Variants in KCNK10 observed in about 807,000 individuals in gnomAD.
The protein encoded by KCNK10 is potassium channel subfamily K member 10.
Under a neutral mutation model 47.7 loss-of-function variants are expected in KCNK10, and 25 were observed. The ratio of observed to expected loss-of-function variants is 0.52; its 90% CI spans 0.38 to 0.73. The LOEUF (loss-of-function observed/expected upper bound fraction) is 0.73, where lower values mean the gene tolerates loss of function less well. KCNK10 is among the 30% of genes least tolerant of loss of function. The pLI is 0.00. For synonymous variants in KCNK10, 303 were observed against 285.6 expected, an observed-to-expected ratio of 1.06 and a Z score of -0.61; for missense variants, 563 against 714.5, an observed-to-expected ratio of 0.79 and a Z score of 2.42.
intron 2 of KCNK10, among the ~76,000 whole-genome samples, chr14:88,250,853 C>A (rs1395006185): frequency 6.6e-6 from 1 of 151,948 alleles, no homozygotes; most frequent in East Asian, 1.9e-4. Context: ...GACAACCAGA[C>A]CAAAAAGAAA....
chr14:88,276,265 C>G (rs756604151), intron 1 of KCNK10, among the ~76,000 whole-genome samples: 6 of 129,192 alleles, frequency 4.6e-5, no homozygotes, highest in Middle Eastern at 3.4e-3. Context: ...TAAAAGAGAA[C>G]CCAGAGAGAT....
chr14:88,286,583 C>A (rs1887765114), intron 1 of KCNK10, among the ~76,000 whole-genome samples: 1 of 152,118 alleles, frequency 6.6e-6, no homozygotes. Flanking sequence ...ATACCTGAGA[C>A]TGGGTAATTA....
At chr14:88,289,156 A>G (rs1247069104) in intron 1 of KCNK10, among the ~76,000 whole-genome samples, 1 of 152,184 alleles carries the variant, frequency 6.6e-6, no homozygotes, top group African/African-American at 2.4e-5. Context: ...CCATTTCCCT[A>G]AAGGAAATCC....
chr14:88,303,435 G>A (rs1034714408), intron 1 of KCNK10, among the ~76,000 whole-genome samples: 1 of 152,078 alleles, frequency 6.6e-6, no homozygotes, highest in East Asian at 1.9e-4. Flanking sequence ...GAATGTGAGG[G>A]GAGGAAGTAG....
chr14:88,324,181 G>A (rs1888614877), upstream of KCNK10, among the ~76,000 whole-genome samples: 1 of 152,256 alleles, frequency 6.6e-6, no homozygotes, highest in Admixed American at 6.5e-5. Context: ...AGATGCGAAG[G>A]GACCCAGACC....
rs1888583155 is a variant in KCNK10, at chr14:88,323,063, G to C, written c.-265C>G. 1.5e-6 allele frequency: 2 copies of C among 1,294,202 alleles called. No individual in the cohort carries two copies. The highest frequency in any genetic ancestry group is 2.0e-6 in the Non-Finnish European group (2 of 1,014,432). The allele number at this position is 1,294,202 out of a possible 1,614,324, so 80.2% of individuals were successfully genotyped here. ...TAAAAGAAAAAGTAAGATCGGCGAG[G>C]GGTGGATGAAAGGATGGAGAGGAAG... On this transcript the variant is annotated 5_prime_UTR_variant, in exon 1 of 7. Coordinates refer to ENST00000319231, the MANE Select transcript of KCNK10 (RefSeq NM_138317.3).
At chr14:88,223,797 C>G (rs968723249) in intron 4 of KCNK10, among the ~76,000 whole-genome samples, 1 of 152,140 alleles carries the variant, frequency 6.6e-6, no homozygotes, top group Non-Finnish European at 1.5e-5. Context: ...TACATTCTGT[C>G]TTAGTGGCAT....
intron 1 of KCNK10, among the ~76,000 whole-genome samples, chr14:88,320,991 CA>C (rs1888534701): frequency 6.6e-6 from 1 of 152,196 alleles, no homozygotes. Context: ...ATACATTTTT[CA>C]GGGATTTCCC....
rs1888559024 is a variant in KCNK10 at position 88,322,134 on chromosome 14, C to T, written c.52+613G>A. Among the ~76,000 whole-genome samples, 1 of 152,176 alleles carries T rather than the reference C, an allele frequency of 6.6e-6. No homozygotes were observed. The highest frequency in any genetic ancestry group is 6.5e-5 in the Admixed American group (1 of 15,284). ...TGCCAGCCCCACCCTTCTCACAAAC[C>T]ACCCCTCCTCCTGCTTCTACTCTGA... On this transcript the variant is annotated intron_variant, in intron 1 of 6. Coordinates refer to ENST00000319231, the MANE Select transcript of KCNK10 (RefSeq NM_138317.3). This position sits in a 1 kb window ranked among gnomAD's most constrained non-coding sequence, Gnocchi z 4.8.
Position 88,180,867 on chromosome 14 carries a change from T to C in KCNK10, c.*4668A>G. ...AGCATGCTGTTCCAAAGTTTCCCTA[T>C]GCAGAATTAACAGCATCCACAATGC... On this transcript the variant is annotated 3_prime_UTR_variant, in exon 7 of 7. Transcript: ENST00000319231. The C allele has an allele frequency of 2.5e-6, 1 of 398,748 alleles. No individual in the cohort carries two copies. The highest frequency in any genetic ancestry group is 4.4e-6 in the Non-Finnish European group (1 of 226,048). The allele number at this position is 398,748 out of a possible 1,614,324, so 24.7% of individuals were successfully genotyped here.
intron 1 of KCNK10, among the ~76,000 whole-genome samples, chr14:88,307,231 A>C (rs1416920590): frequency 6.6e-6 from 1 of 152,030 alleles, no homozygotes; most frequent in Non-Finnish European, 1.5e-5. Context: ...GACTAATACA[A>C]CTGTCTCAGA....
chr14:88,264,185 A>C (rs1012097207), intron 1 of KCNK10, among the ~76,000 whole-genome samples: 3 of 152,210 alleles, frequency 2.0e-5, no homozygotes, highest in Non-Finnish European at 2.9e-5. Context: ...TTGGAAAAAA[A>C]CTGTTTCCTG....
chr14:88,316,321 GA>G (rs914506537), intron 1 of KCNK10, among the ~76,000 whole-genome samples: 14 of 148,406 alleles, frequency 9.4e-5, no homozygotes, highest in South Asian at 4.3e-4. Context: ...CTCACAGGGA[GA>G]AAAAAAAAAC....
chr14:88,230,716 T>C (rs970618861), intron 3 of KCNK10, among the ~76,000 whole-genome samples: 3 of 152,156 alleles, frequency 2.0e-5, no homozygotes, highest in African/African-American at 7.2e-5. Context: ...CCCACTTCAA[T>C]TTGTACTGGG....
intron 1 of KCNK10, among the ~76,000 whole-genome samples, chr14:88,263,815 G>T (rs1443108784): frequency 6.6e-6 from 1 of 151,800 alleles, no homozygotes; most frequent in African/African-American, 2.4e-5. Context: ...TTCTACGAGG[G>T]TCCAAATTGA....
intron 1 of KCNK10, among the ~76,000 whole-genome samples, chr14:88,296,906 T>C (rs1471743570): frequency 1.3e-5 from 2 of 152,226 alleles, no homozygotes; most frequent in Admixed American, 6.5e-5. Context: ...CATTGTCAAT[T>C]ACAAAACACA....
At chr14:88,208,883 AC>A (rs1885367608) in intron 4 of KCNK10, among the ~76,000 whole-genome samples, 1 of 152,134 alleles carries the variant, frequency 6.6e-6, no homozygotes. Flanking sequence ...GTGAGAGGGG[AC>A]CTGGGGGTGG....
intron 1 of KCNK10, among the ~76,000 whole-genome samples, chr14:88,274,566 A>AAAT (rs55899872): frequency 3.6e-5 from 5 of 139,626 alleles, no homozygotes; most frequent in African/African-American, 1.6e-4. Flanking sequence ...AAAAAAAAAA[A>AAAT]GATCTTATGG....
At position 88,200,315 on chromosome 14, in the gene KCNK10, A is replaced by G. The variant is rs2139838138; in HGVS notation, c.682-7905T>C. Among the ~76,000 whole-genome samples the G allele has an allele frequency of 1.3e-5, 2 of 152,300 alleles. 1 individual carries two copies. ...AGAAAAAGGCAACAAGAAGCAAACA[A>G]AATTAGAAAATCTTTCAGAAGGATA... On this transcript the variant is annotated intron_variant, in intron 4 of 6. Transcript: ENST00000319231.
Sources: allele counts gnomAD v4.1 joint callset (sites outside exome capture counted in the v4.1 genomes callset), GRCh38; gene constraint gnomAD v4.1.1; non-coding constraint Gnocchi (gnomAD v3.1); transcripts MANE v1.5; gene names NCBI Gene and HGNC (gene_info 2026-07-23, HGNC 2026-07-21).